Variants in NRL observed in about 807,000 individuals in gnomAD.
The protein encoded by NRL is neural retina leucine zipper.
In NRL, 16 loss-of-function variants were observed where a neutral mutation model predicts 12.5. The ratio of observed to expected loss-of-function variants is 1.28; its 90% CI spans 0.87 to 1.95. The LOEUF (loss-of-function observed/expected upper bound fraction) is 1.95, where lower values mean the gene tolerates loss of function less well. Among genes scored for constraint, NRL ranks in the 30% most tolerant of loss-of-function variants. NRL has a pLI of 0.00. For missense variants in NRL, 314 were observed against 325.8 expected, an observed-to-expected ratio of 0.96 and a Z score of 0.28; for synonymous variants, 142 against 150.9, an observed-to-expected ratio of 0.94 and a Z score of 0.43.
chr14:24,080,354 C>T lies in NRL; in HGVS notation c.*882G>A, dbSNP rs1001819424. 6.6e-6 allele frequency: 1 copy of T among 152,368 alleles called. No homozygotes were observed. 9.4% of individuals were successfully genotyped at this position (152,368 alleles called of 1,614,324 possible). On this transcript the variant is annotated 3_prime_UTR_variant, in exon 3 of 3. Coordinates refer to ENST00000561028, the MANE Select transcript of NRL (RefSeq NM_001354768.3). ...TGCTCACAGAGAAGCCAGGCTTCCTCGCCTGGGCTGTGCATCCCCTGCCTA... is the reference window on the plus strand; with the variant it reads ...TGCTCACAGAGAAGCCAGGCTTCCTTGCCTGGGCTGTGCATCCCCTGCCTA...
intron 1 of NRL, chr14:24,095,146 T>C (rs1267629821): frequency 2.4e-5 from 11 of 456,004 alleles, no homozygotes; most frequent in South Asian, 1.4e-4. Flanking sequence ...TTCTCAGCTT[T>C]TGTCCCAGAG....
chr14:24,079,640 G>T lies in NRL; in HGVS notation c.*1596C>A, dbSNP rs2036219070. ...TGATGGGAAGAGAAGAGACAGCTGG[G>T]GAGGGGGTGGAGAGAGGGGGTAGAA... is the stretch of plus-strand genomic sequence containing the variant. On this transcript the variant is annotated 3_prime_UTR_variant, in exon 3 of 3. Coordinates refer to ENST00000561028, the MANE Select transcript of NRL (RefSeq NM_001354768.3). 6.6e-6 allele frequency among the ~76,000 whole-genome samples: 1 copy of T among 152,114 alleles called. No individual in the cohort carries two copies. Among genetic ancestry groups the T allele is most frequent in the Non-Finnish European group, 1.5e-5 (1 of 68,002 alleles).
Position 24,078,951 on chromosome 14 carries a change from C to T in NRL, c.*2285G>A. On this transcript the variant is annotated 3_prime_UTR_variant, in exon 3 of 3. Transcript: ENST00000561028. ...GGGTAGGTGGGACTCCAGGTGCATG[C>T]CATTACATCTGAATTTATTTTATTT... is the stretch of plus-strand genomic sequence containing the variant. Among the ~76,000 whole-genome samples the T allele has an allele frequency of 6.6e-6, 1 of 152,138 alleles. No individual in the cohort carries two copies. Among genetic ancestry groups the T allele is most frequent in the East Asian group, 1.9e-4 (1 of 5,202 alleles).
chr14:24,106,099 T>A (rs990135349), intron 1 of NRL, among the ~76,000 whole-genome samples: 1 of 152,174 alleles, frequency 6.6e-6, no homozygotes, highest in African/African-American at 2.4e-5. Flanking sequence ...TAGAGTAGCC[T>A]AAATTCATCT....
chr14:24,103,506 C>A lies in NRL; in HGVS notation c.-28+11216G>T, dbSNP rs369256201. 7.1e-6 allele frequency: 11 copies of A among 1,542,230 alleles called. No individual in the cohort carries two copies. In the Admixed American group the frequency reaches 7.8e-5, roughly 11 times the overall value. ...ATTCCTTACCCATCTTGCTTCCCCC[C>A]CAGGGAAGATCATCATGCACGACCC... On this transcript the variant is annotated intron_variant, in intron 1 of 2. Coordinates refer to ENST00000561028, the MANE Select transcript of NRL (RefSeq NM_001354768.3).
At chr14:24,082,438 TC>T in intron 2 of NRL, 29 bp downstream of exon 2, 4 of 1,611,562 alleles carry the variant, frequency 2.5e-6, no homozygotes, top group South Asian at 1.1e-5. Flanking sequence ...TTGCCCTGCC[TC>T]CCCTCAGGCC....
intron 1 of NRL, chr14:24,099,460 T>C (rs959257365): frequency 5.1e-6 from 6 of 1,185,334 alleles, no homozygotes; most frequent in East Asian, 2.3e-5. Flanking sequence ...TTAATAAACA[T>C]TGGTCCTCCC....
In NRL at chr14:24,094,479, C is replaced by T; in HGVS notation, c.-27-11604G>A. 6.7e-7 allele frequency: 1 copy of T among 1,491,198 alleles called. No individual in the cohort carries two copies. The highest frequency in any genetic ancestry group is 1.3e-5 in the South Asian group (1 of 77,510). The allele number at this position is 1,491,198 out of a possible 1,614,324, so 92.4% of individuals were successfully genotyped here. The stretch of plus-strand genomic sequence containing the variant: ...GGGCCCACCCGCACCTTCCGCTGCG[C>T]TCGCCCCCTCGGGGCTGCCAGTGGC... On this transcript the variant is annotated intron_variant, in intron 1 of 2. Coordinates refer to ENST00000561028, the MANE Select transcript of NRL (RefSeq NM_001354768.3). This position sits in a 1 kb window ranked among gnomAD's most constrained non-coding sequence, Gnocchi z 4.1.
chr14:24,103,710 TG>T (rs1305819816), intron 1 of NRL: 2 of 1,614,070 alleles, frequency 1.2e-6, no homozygotes, highest in Admixed American at 3.3e-5. Flanking sequence ...GGTGCTAGAC[TG>T]GATCTGCCGG....
At position 24,082,757 on chromosome 14, in the gene NRL, C is replaced by T. The variant is rs369302162; in HGVS notation, c.92G>A (p.Arg31Gln). 2.1e-5 allele frequency: 34 copies of T among 1,614,042 alleles called. No individual in the cohort carries two copies. Among genetic ancestry groups the T allele is most frequent in the Non-Finnish European group, 2.7e-5 (32 of 1,180,044 alleles). ...CAGTGAGGCTGTAGGGGGGCCAGGT[C>T]GGCCCTCAGAGGGTTCCCGCTTTAC... ...FEVKREPSEG[R>Q]PGPPTASLGS... is the part of the protein sequence containing the mutation. Residue 31 changes from arginine to glutamine, a missense_variant, in exon 2 of 3, where the codon CGA becomes CAA. Transcript: ENST00000561028.
chr14:24,107,216 A>C (rs2138989862), intron 1 of NRL, among the ~76,000 whole-genome samples: 1 of 152,350 alleles, frequency 6.6e-6, no homozygotes, highest in Non-Finnish European at 1.5e-5. Context: ...ATGCACAGGG[A>C]CAAGAAAGTG....
chr14:24,095,900 G>A (rs960858862), intron 1 of NRL, among the ~76,000 whole-genome samples: 2 of 152,158 alleles, frequency 1.3e-5, no homozygotes, highest in African/African-American at 4.8e-5. Flanking sequence ...TTACCCGAGG[G>A]CAACATTTTA....
chr14:24,094,055 G>A lies in NRL; in HGVS notation c.-27-11180C>T, dbSNP rs2036730258. On this transcript the variant is annotated intron_variant, in intron 1 of 2. Coordinates refer to ENST00000561028, the MANE Select transcript of NRL (RefSeq NM_001354768.3). This position sits in a 1 kb window ranked among gnomAD's most constrained non-coding sequence, Gnocchi z 4.1. Reference sequence around the variant, plus strand: ...TCAAAGTTACATCATGTGCGGCTGGGAGGGCGGTGGCGGATGGGGGGCGGG... The same window carrying A: ...TCAAAGTTACATCATGTGCGGCTGGAAGGGCGGTGGCGGATGGGGGGCGGG... 2 of 538,264 alleles carry A rather than the reference G, an allele frequency of 3.7e-6. No individual in the cohort carries two copies. The highest frequency in any genetic ancestry group is 3.9e-5 in the Admixed American group (1 of 25,346). The allele number at this position is 538,264 out of a possible 1,614,324, so 33.3% of individuals were successfully genotyped here. A position where few individuals can be genotyped will look rare whatever the true frequency, so the allele number is the denominator to read the frequency against.
intron 1 of NRL, among the ~76,000 whole-genome samples, chr14:24,090,086 A>G (rs2036572844): frequency 6.6e-6 from 1 of 152,038 alleles, no homozygotes; most frequent in Non-Finnish European, 1.5e-5. Flanking sequence ...TAGAGACATG[A>G]TGTGATCAGA....
In NRL at chr14:24,094,617, C is replaced by A. The variant is rs2036773598; in HGVS notation, c.-27-11742G>T. 6.8e-7 allele frequency: 1 copy of A among 1,465,020 alleles called. No homozygotes were observed. Among genetic ancestry groups the A allele is most frequent in the African/African-American group, 1.4e-5 (1 of 71,082 alleles). 90.8% of individuals were successfully genotyped at this position (1,465,020 alleles called of 1,614,324 possible). Reference sequence around the variant, plus strand: ...CGCGTCTCTTGGGAGGGCAGCCGGCCGGTGCTCCTCGTTTCCGCCTGCACC... The same window carrying A: ...CGCGTCTCTTGGGAGGGCAGCCGGCAGGTGCTCCTCGTTTCCGCCTGCACC... On this transcript the variant is annotated intron_variant, in intron 1 of 2. Transcript: ENST00000561028. The surrounding 1 kb of genome is among the most constrained non-coding windows in gnomAD (Gnocchi z 4.1).
At chr14:24,109,504 G>A (rs2037385830) in intron 1 of NRL, among the ~76,000 whole-genome samples, 1 of 152,100 alleles carries the variant, frequency 6.6e-6, no homozygotes, top group South Asian at 2.1e-4. Context: ...GACCATCCTG[G>A]CTAACATGGT....
At chr14:24,114,163 A>G (rs1489722309) in intron 1 of NRL, 1 of 152,338 alleles carries the variant, frequency 6.6e-6, no homozygotes, top group African/African-American at 2.4e-5. Flanking sequence ...GGGAGCGTCA[A>G]AGGGGACAGC....
At chr14:24,098,369 T>C in intron 1 of NRL, 3 of 1,612,326 alleles carry the variant, frequency 1.9e-6, no homozygotes, top group Non-Finnish European at 2.5e-6. Flanking sequence ...GGATGAGAGG[T>C]TTCCAGGCTG....
chr14:24,114,351 C>T (rs1379226079), intron 1 of NRL: 1 of 152,300 alleles, frequency 6.6e-6, no homozygotes, highest in Non-Finnish European at 1.5e-5. Flanking sequence ...GTATGGAGGT[C>T]TACTGGGACG....
Sources: allele counts gnomAD v4.1 joint callset (sites outside exome capture counted in the v4.1 genomes callset), GRCh38; gene constraint gnomAD v4.1.1; non-coding constraint Gnocchi (gnomAD v3.1); transcripts MANE v1.5; gene names NCBI Gene and HGNC (gene_info 2026-07-23, HGNC 2026-07-21).